Variants in CNGA2 observed in about 807,000 individuals in gnomAD.
The protein encoded by CNGA2 is cyclic nucleotide gated channel subunit alpha 2.
CNGA2 carries 22 observed loss-of-function variants against 35.9 expected under a neutral mutation model. That is an observed-to-expected ratio of 0.61 (90% CI 0.44 to 0.88). The LOEUF (loss-of-function observed/expected upper bound fraction) is 0.88. CNGA2 is among the 40% of genes least tolerant of loss of function. The pLI, the probability that CNGA2 is intolerant of heterozygous loss-of-function variation, is 0.00. For missense variants in CNGA2, 555 were observed against 530.8 expected (o/e 1.05, Z -0.45); for synonymous variants, 217 against 209.2 (o/e 1.04, Z -0.32).
In CNGA2 at chrX:151,744,861, C is replaced by T. The variant is rs150893838; in HGVS notation, c.*363C>T. On this transcript the variant is annotated 3_prime_UTR_variant, in exon 7 of 7. Transcript: ENST00000329903. ...TGTCTTCTGAATGCTTCCTTTTTCC[C>T]TGCACACGCATGTACTTCGAGCACC... 0.017 allele frequency: 3,446 copies of T among 203,287 alleles called. 119 individuals are homozygous for T. Among genetic ancestry groups the T allele is most frequent in the African/African-American group, 0.092 (3,169 of 34,401 alleles). The allele number at this position is 203,287 out of a possible 1,213,427, so 16.8% of individuals were successfully genotyped here.
chrX:151,743,336 T>G lies in CNGA2; in HGVS notation c.833T>G (p.Leu278Arg). ...NYPNIFRISN[L>R]VLYILVIIHW... ...CCTAACATCTTCCGCATCAGCAACC[T>G]TGTCCTCTACATCTTGGTCATCATC... Residue 278 changes from leucine to arginine, a missense_variant, in exon 7 of 7, where the codon CTT (leucine) becomes CGT (arginine). Leu to Arg is a moderately radical substitution (Grantham distance 102). Transcript: ENST00000329903. 8.3e-7 allele frequency: 1 copy of G among 1,209,657 alleles called. No homozygotes were observed. Among genetic ancestry groups the G allele is most frequent in the East Asian group, 3.0e-5 (1 of 33,758 alleles).
chrX:151,742,927 T>TATATATATATATATACATATATACATAC (rs746065892), intron 6 of CNGA2, among the ~76,000 whole-genome samples, 166 bp from the exon 7 acceptor site: 1 of 78,484 alleles, frequency 1.3e-5, no homozygotes, highest in African/African-American at 6.0e-5. Context: ...TAGGGAAGGA[T>TATATATATATATATACATATATACATAC]ATATATATAT....
At chrX:151,735,542 C>G (rs1024499901) in intron 1 of CNGA2, among the ~76,000 whole-genome samples, 1 of 111,338 alleles carries the variant, frequency 9.0e-6, no homozygotes, top group Non-Finnish European at 1.9e-5. Context: ...AACCCCTTCC[C>G]ATTGTCCTGG....
chrX:151,742,592 A>G lies in CNGA2; in HGVS notation c.539A>G (p.Tyr180Cys). 8.3e-7 allele frequency: 1 copy of G among 1,209,775 alleles called. No individual in the cohort carries two copies. Among genetic ancestry groups the G allele is most frequent in the Non-Finnish European group, 1.1e-6 (1 of 894,704 alleles). ...GYYLVWLVLD[Y>C]VSDVVYIADL... ...TACCTGGTGTGGCTGGTGCTGGATT[A>G]TGTCTCAGATGTGGTCTACATTGCG... Residue 180 changes from tyrosine to cysteine, a missense_variant, in exon 6 of 7, where the codon TAT (tyrosine) becomes TGT (cysteine). Physicochemically the swap from Tyr to Cys is radical, Grantham distance 194 (BLOSUM62 -2). Coordinates refer to ENST00000329903, the MANE Select transcript of CNGA2 (RefSeq NM_005140.3).
rs1173482635 is a variant in CNGA2 at position 151,742,994 on chromosome X, GTA to G, written c.590-88_590-87del. On this transcript the variant is annotated intron_variant, in intron 6 of 6. Transcript: ENST00000329903. ...TATGTATATATATACATATATATGT[GTA>G]TATATATATACACATATATATGTAT... is the stretch of plus-strand genomic sequence containing the variant. 7.5e-3 allele frequency: 484 copies of G among 64,817 alleles called. 40 individuals carry two copies. The highest frequency in any genetic ancestry group is 0.073 in the African/African-American group (452 of 6,203). 5.3% of individuals were successfully genotyped at this position (64,817 alleles called of 1,213,427 possible).
rs926079953 is a variant in CNGA2 at position 151,745,123 on chromosome X, G to C, written c.*625G>C. On this transcript the variant is annotated 3_prime_UTR_variant, in exon 7 of 7. Transcript: ENST00000329903. ...GGCTTCTGGTCCATTCCAGGGCAGG[G>C]AGTGAGGAGCAAGGCAACTGGCATT... The C allele has an allele frequency of 2.7e-5, 3 of 111,840 alleles. No individual in the cohort carries two copies. The highest frequency in any genetic ancestry group is 9.8e-5 in the African/African-American group (3 of 30,746). 9.2% of individuals were successfully genotyped at this position (111,840 alleles called of 1,213,427 possible).
chrX:151,740,608 A>T (rs2015294639), intron 4 of CNGA2, among the ~76,000 whole-genome samples, 186 bp from the exon 5 acceptor site: 1 of 112,066 alleles, frequency 8.9e-6, no homozygotes, highest in Non-Finnish European at 1.9e-5. Context: ...TCTGAGTTCC[A>T]CTCAGATGTC....
At chrX:151,741,590 T>C (rs2015305500) in intron 5 of CNGA2, among the ~76,000 whole-genome samples, 1 of 111,854 alleles carries the variant, frequency 8.9e-6, no homozygotes, top group South Asian at 3.8e-4. Context: ...ACAGTGACTG[T>C]AAACCTGAAA....
chrX:151,736,733 G>T (rs755440235), intron 1 of CNGA2, among the ~76,000 whole-genome samples: 15 of 110,826 alleles, frequency 1.4e-4, no homozygotes, highest in Non-Finnish European at 2.1e-4. Context: ...TACAGAAGGA[G>T]CAGGGGTCAT....
chrX:151,740,620 A>G (rs1156907341), intron 4 of CNGA2, among the ~76,000 whole-genome samples, 174 bp from the exon 5 acceptor site: 1 of 112,294 alleles, frequency 8.9e-6, no homozygotes, highest in South Asian at 3.7e-4. Flanking sequence ...TCAGATGTCC[A>G]GTACCAGGTT....
Position 151,742,521 on chromosome X carries a change from C to T in CNGA2, c.483-15C>T. 1 of 1,186,929 alleles carries T rather than the reference C, an allele frequency of 8.4e-7. No individual in the cohort carries two copies. Among genetic ancestry groups the T allele is most frequent in the African/African-American group, 1.8e-5 (1 of 57,049 alleles). On this transcript the variant is annotated splice_polypyrimidine_tract_variant and intron_variant, in intron 5 of 6. Transcript: ENST00000329903. ...GCTGGCTTTGGGGGTGAAGCTTAGC[C>T]CTGTCCTCCCGCAGAGCCTGCTTCA...
chrX:151,740,381 G>T (rs984356065), intron 4 of CNGA2, among the ~76,000 whole-genome samples: 2 of 112,335 alleles, frequency 1.8e-5, no homozygotes. Context: ...GAAGCTCATG[G>T]TGCTCACTCA....
intron 3 of CNGA2, 94 bp downstream of exon 3, chrX:151,738,973 C>G (rs2015275923): frequency 2.9e-6 from 2 of 687,685 alleles, no homozygotes; most frequent in Non-Finnish European, 4.2e-6. Context: ...TCCCACCAGT[C>G]CTGTCCACCA....
chrX:151,742,185 T>C (rs1375356511), intron 5 of CNGA2, among the ~76,000 whole-genome samples: 1 of 112,398 alleles, frequency 8.9e-6, no homozygotes, highest in African/African-American at 3.2e-5. Context: ...AATGACTTGT[T>C]CATTCATTCA....
chrX:151,739,764 G>A, intron 4 of CNGA2, 32 bp downstream of exon 4: 1 of 1,194,299 alleles, frequency 8.4e-7, no homozygotes, highest in Non-Finnish European at 1.1e-6. Context: ...GACTCAAATG[G>A]GCTTTAAGCA....
chrX:151,736,173 C>T (rs1358034468), intron 1 of CNGA2, among the ~76,000 whole-genome samples: 2 of 111,770 alleles, frequency 1.8e-5, no homozygotes, highest in African/African-American at 6.5e-5. Context: ...CCCCAGAGCT[C>T]TACCCTTAGC....
At chrX:151,742,220 T>C (rs1159833244) in intron 5 of CNGA2, among the ~76,000 whole-genome samples, 1 of 112,327 alleles carries the variant, frequency 8.9e-6, no homozygotes, top group Non-Finnish European at 1.9e-5. Context: ...AGTGCTCAAA[T>C]CCTGTTGCCC....
Position 151,738,851 on chromosome X carries a change from C to T in CNGA2, c.175C>T (p.Pro59Ser), listed in dbSNP as rs780952706. 2.6e-6 allele frequency: 3 copies of T among 1,176,460 alleles called. No homozygotes were observed. The South Asian group carries it at 5.6e-5, about 22-fold the overall frequency. ...ELQRLADVDA[P>S]QQGRSGFRRI... is the part of the protein sequence containing the mutation. Reference sequence around the variant, plus strand: ...GCAGAGGCTGGCAGACGTGGATGCCCCACAGCAGGGAAGGAGTGGCTTCCG... The same window carrying T: ...GCAGAGGCTGGCAGACGTGGATGCCTCACAGCAGGGAAGGAGTGGCTTCCG... The change falls in exon 3 of 7, where the codon CCA (proline) becomes TCA (serine). Residue 59 changes from proline (P) to serine (S), a missense_variant. Coordinates refer to ENST00000329903, the MANE Select transcript of CNGA2 (RefSeq NM_005140.3).
Position 151,744,099 on chromosome X carries a change from G to C in CNGA2, c.1596G>C (p.Met532Ile), listed in dbSNP as rs762773972. 19 of 1,210,939 alleles carry C rather than the reference G, an allele frequency of 1.6e-5. No homozygotes were observed. Among genetic ancestry groups the C allele is most frequent in the Non-Finnish European group, 2.1e-5 (19 of 895,322 alleles). The change falls in exon 7 of 7, where the codon ATG becomes ATC. Residue 532 changes from methionine to isoleucine, a missense_variant. By Grantham distance (10) the Met-to-Ile change is conservative. Transcript: ENST00000329903. ...TCCTTAACATTAAGGGCAGTAAAAT[G>C]GGCAATCGACGCACAGCTAATATCC... is the stretch of plus-strand genomic sequence containing the variant. The part of the protein sequence containing the change: ...ISILNIKGSK[M>I]GNRRTANIRS...
Sources: allele counts gnomAD v4.1 joint callset (sites outside exome capture counted in the v4.1 genomes callset), GRCh38; gene constraint gnomAD v4.1.1; transcripts MANE v1.5; gene names NCBI Gene and HGNC (gene_info 2026-07-23, HGNC 2026-07-21).